BMP6: variants seen among roughly 807,000 people sequenced by gnomAD.
BMP6 encodes VG-1-R.
Under a neutral mutation model 54.1 loss-of-function variants are expected in BMP6, and 17 were observed. The observed-to-expected ratio is 0.31, with a 90% CI of 0.22 to 0.47. The LOEUF (loss-of-function observed/expected upper bound fraction) is 0.47. BMP6 is among the 20% of genes least tolerant of loss of function. BMP6 has a pLI of 1.00. For synonymous variants in BMP6, 328 were observed against 291.2 expected, an observed-to-expected ratio of 1.13 and a Z score of -1.28; for missense variants, 720 against 690.4, an observed-to-expected ratio of 1.04 and a Z score of -0.48.
chr6:7,764,187 G>C (rs1198084853), intron 1 of BMP6, among the ~76,000 whole-genome samples: 1 of 152,200 alleles, frequency 6.6e-6, no homozygotes. Flanking sequence ...TTGGAGCATG[G>C]AGAATGATGA....
chr6:7,856,689 CG>C (rs1484611027), intron 2 of BMP6, among the ~76,000 whole-genome samples: 3 of 141,856 alleles, frequency 2.1e-5, no homozygotes. Flanking sequence ...CTCCGCCTCC[CG>C]GGTTCACGCC....
At chr6:7,760,062 CTT>C (rs10587005) in intron 1 of BMP6, among the ~76,000 whole-genome samples, 56,940 of 114,402 alleles carry the variant, frequency 0.5, 13,952 homozygotes, top group Middle Eastern at 0.6. Context: ...TATTTTTCAA[CTT>C]TTTTTTTTTT....
intron 1 of BMP6, among the ~76,000 whole-genome samples, chr6:7,734,239 G>A (rs1761918941): frequency 6.6e-6 from 1 of 152,282 alleles, no homozygotes; most frequent in South Asian, 2.1e-4. Flanking sequence ...AAATGAGTTT[G>A]GGATAACTGG....
chr6:7,745,655 C>T (rs1284155871), intron 1 of BMP6, among the ~76,000 whole-genome samples: 1 of 152,116 alleles, frequency 6.6e-6, no homozygotes, highest in Admixed American at 6.5e-5. Context: ...TTTATTGGTC[C>T]CTTTCAAGGC....
intron 1 of BMP6, among the ~76,000 whole-genome samples, chr6:7,742,335 A>G (rs982374319): frequency 6.6e-6 from 1 of 152,234 alleles, no homozygotes; most frequent in Non-Finnish European, 1.5e-5. Flanking sequence ...TGGTTGTGCC[A>G]GGCAGAAAGC....
chr6:7,793,413 A>G (rs1402284544), intron 1 of BMP6, among the ~76,000 whole-genome samples: 2 of 152,218 alleles, frequency 1.3e-5, no homozygotes, highest in East Asian at 1.9e-4. Flanking sequence ...TTTTTAGCAC[A>G]GTAAAAATAC....
intron 1 of BMP6, among the ~76,000 whole-genome samples, chr6:7,807,975 C>T (rs898032848): frequency 2.0e-4 from 27 of 133,314 alleles, no homozygotes; most frequent in African/African-American, 7.0e-4. Flanking sequence ...GGCTGGAGTG[C>T]AGTGGCACGA....
At chr6:7,762,701 G>T (rs563402617) in intron 1 of BMP6, among the ~76,000 whole-genome samples, 95 of 152,292 alleles carry the variant, frequency 6.2e-4, no homozygotes, top group African/African-American at 2.1e-3. Flanking sequence ...TAAATAAAAA[G>T]ATGCAACTCA....
chr6:7,739,294 GCA>G (rs1762007453), intron 1 of BMP6, among the ~76,000 whole-genome samples: 1 of 152,086 alleles, frequency 6.6e-6, no homozygotes. Context: ...TTTGGGTAGG[GCA>G]CAAATCCAAG....
intron 1 of BMP6, among the ~76,000 whole-genome samples, chr6:7,730,704 C>T (rs564830828): frequency 3.2e-4 from 49 of 152,284 alleles, no homozygotes; most frequent in African/African-American, 1.1e-3. Flanking sequence ...AAAGTTATTG[C>T]GTACCAATGT....
At chr6:7,836,290 T>C (rs911413549) in intron 1 of BMP6, among the ~76,000 whole-genome samples, 2 of 152,212 alleles carry the variant, frequency 1.3e-5, no homozygotes, top group African/African-American at 4.8e-5. Flanking sequence ...ATACATGTAC[T>C]GGATATCTTC....
At chr6:7,829,389 C>CTG (rs1015025240) in intron 1 of BMP6, among the ~76,000 whole-genome samples, 1 of 151,968 alleles carries the variant, frequency 6.6e-6, no homozygotes, top group African/African-American at 2.4e-5. Flanking sequence ...GGTAGGGATC[C>CTG]TGATAAGTAA....
rs543289538 is a variant in BMP6, at chr6:7,846,020, A to G, written c.857+688A>G. 3.3e-5 allele frequency among the ~76,000 whole-genome samples: 5 copies of G among 152,314 alleles called. No homozygotes were observed. In the East Asian group the frequency reaches 9.6e-4, roughly 29 times the overall value. On this transcript the variant is annotated intron_variant, in intron 2 of 6. Transcript: ENST00000283147. ...TCGTTAGTACAGAAGAAGCCAATAC[A>G]CAGAAGCCAATGACCTCGAATTTTG...
At position 7,880,359 on chromosome 6, in the gene BMP6, TG is replaced by T. The variant is rs202189273; in HGVS notation, c.*20del. The stretch of plus-strand genomic sequence containing the variant: ...ATGCCACTAACTCGAAACCAGATGC[TG>T]GGGACACACATTCTGCCTTGGATTC... On this transcript the variant is annotated 3_prime_UTR_variant, in exon 7 of 7. Transcript: ENST00000283147. 7 of 1,613,812 alleles carry T rather than the reference TG, an allele frequency of 4.3e-6. No individual in the cohort carries two copies. In the East Asian group the frequency reaches 1.3e-4, roughly 31 times the overall value.
At chr6:7,822,378 A>G (rs997082042) in intron 1 of BMP6, among the ~76,000 whole-genome samples, 1 of 152,008 alleles carries the variant, frequency 6.6e-6, no homozygotes, top group African/African-American at 2.4e-5. Flanking sequence ...GACGGGGTGC[A>G]TTTCTTTTCT....
At chr6:7,838,058 T>C (rs1011243102) in intron 1 of BMP6, among the ~76,000 whole-genome samples, 3 of 152,178 alleles carry the variant, frequency 2.0e-5, no homozygotes, top group African/African-American at 4.8e-5. Context: ...AGTGCAGTAG[T>C]TCCCCCTTAT....
chr6:7,837,589 G>A (rs1180952474), intron 1 of BMP6, among the ~76,000 whole-genome samples: 2 of 152,162 alleles, frequency 1.3e-5, no homozygotes, highest in Non-Finnish European at 2.9e-5. Context: ...TGGGAGCTAA[G>A]CTATGAGGAT....
In BMP6 at chr6:7,880,684, T is replaced by TGTTA. The variant is rs1759703841; in HGVS notation, c.*344_*347dup. The TGTTA allele has an allele frequency of 3.0e-6, 1 of 331,700 alleles. No homozygotes were observed. The highest frequency in any genetic ancestry group is 5.6e-6 in the Non-Finnish European group (1 of 177,152). The allele number at this position is 331,700 out of a possible 1,614,324, so 20.5% of individuals were successfully genotyped here. On this transcript the variant is annotated 3_prime_UTR_variant, in exon 7 of 7. Coordinates refer to ENST00000283147, the MANE Select transcript of BMP6 (RefSeq NM_001718.6). ...TGTAGATCAAGCTATTTGGGGTGTTTGTTAGTAAATAGGGAAAATAATCTC... is the reference window on the plus strand; with the variant it reads ...TGTAGATCAAGCTATTTGGGGTGTTTGTTAGTTAGTAAATAGGGAAAATAATCTC...
intron 1 of BMP6, among the ~76,000 whole-genome samples, chr6:7,762,215 C>T (rs1369068507): frequency 6.6e-6 from 1 of 152,208 alleles, no homozygotes; most frequent in Non-Finnish European, 1.5e-5. Context: ...AGCCACTGCA[C>T]CTGGCCAACC....
Sources: gnomAD v4.1 joint callset for allele counts (sites outside exome capture counted in the v4.1 genomes callset) on GRCh38, gnomAD v4.1.1 for gene constraint, MANE v1.5 for transcripts, NCBI Gene and HGNC (gene_info 2026-07-23, HGNC 2026-07-21) for gene names.